Variants in GUCD1 observed in about 807,000 individuals in gnomAD.
GUCD1 encodes guanylyl cyclase domain containing 1.
In GUCD1, 17 loss-of-function variants were observed where a neutral mutation model predicts 28.3. The ratio of observed to expected loss-of-function variants is 0.60; its 90% CI spans 0.41 to 0.90. GUCD1 has a LOEUF of 0.90. Ranked by LOEUF, GUCD1 falls within the 40% of genes least tolerant of loss-of-function variation. The pLI, the probability that GUCD1 is intolerant of heterozygous loss-of-function variation, is 0.00. For synonymous variants in GUCD1, 129 were observed against 123.3 expected (o/e 1.05, Z -0.30); for missense variants, 279 against 305.5 (o/e 0.91, Z 0.65).
rs777286242 is a variant in GUCD1 at position 24,554,941 on chromosome 22, G to A, written c.43+8C>T. 1 of 1,572,634 alleles carries A rather than the reference G, an allele frequency of 6.4e-7. No homozygotes were observed. The highest frequency in any genetic ancestry group is 2.5e-5 in the East Asian group (1 of 40,394). ...GGGTGAAGACTGGGCCCACAGAGAG[G>A]CACTGACCGGGCTCGAGCGGCGGCC... On this transcript the variant is annotated splice_region_variant and intron_variant, in intron 1 of 5. Coordinates refer to ENST00000435822, the MANE Select transcript of GUCD1 (RefSeq NM_001284254.2).
In GUCD1 at chr22:24,550,180, C is replaced by G. The variant is rs576824597; in HGVS notation, c.44-1179G>C. 5.3e-5 allele frequency among the ~76,000 whole-genome samples: 8 copies of G among 152,304 alleles called. No homozygotes were observed. In the East Asian group the frequency reaches 1.5e-3, roughly 29 times the overall value. ...CTCTTGCTGGAATGAGTCTGGCCATCCCTAAACAGGGGGACTTTGGTCTGA... is the reference window on the plus strand; with the variant it reads ...CTCTTGCTGGAATGAGTCTGGCCATGCCTAAACAGGGGGACTTTGGTCTGA... On this transcript the variant is annotated intron_variant, in intron 1 of 5. Coordinates refer to ENST00000435822, the MANE Select transcript of GUCD1 (RefSeq NM_001284254.2).
rs2044624063 is a variant in GUCD1, at chr22:24,542,746, A to G, written c.*260T>C. ...TCGGGACTGGACTTCCTGTGGGCGC[A>G]GCTGGAGTCAAGGCTTGGGGTCTTG... On this transcript the variant is annotated 3_prime_UTR_variant, in exon 6 of 6. Transcript: ENST00000435822. 2.2e-6 allele frequency: 1 copy of G among 446,262 alleles called. No individual in the cohort carries two copies. Among genetic ancestry groups the G allele is most frequent in the Admixed American group, 3.5e-5 (1 of 28,762 alleles). 27.6% of individuals were successfully genotyped at this position (446,262 alleles called of 1,614,324 possible).
upstream of GUCD1, chr22:24,555,293 C>T (rs2013963971): frequency 7.2e-7 from 1 of 1,393,370 alleles, no homozygotes; most frequent in Non-Finnish European, 9.3e-7. Context: ...TGAGTGGCCC[C>T]ACCCTCTCGC....
Position 24,545,880 on chromosome 22 carries a change from C to T in GUCD1, c.386+1034G>A, listed in dbSNP as rs181794286. 5.6e-4 allele frequency among the ~76,000 whole-genome samples: 85 copies of T among 151,706 alleles called. 1 individual carries two copies. Among genetic ancestry groups the T allele is most frequent in the African/African-American group, 1.9e-3 (80 of 41,336 alleles). On this transcript the variant is annotated intron_variant, in intron 4 of 5. Transcript: ENST00000435822. ...TGCTGGGATTACAAGCGTGAGCCAC[C>T]GTGCCCGGCCTGTTTTGTTGATTTT...
intron 1 of GUCD1, among the ~76,000 whole-genome samples, chr22:24,551,897 T>C (rs765873809): frequency 6.6e-6 from 1 of 152,230 alleles, no homozygotes; most frequent in Non-Finnish European, 1.5e-5. Flanking sequence ...CAACCAAAAA[T>C]ATAAATAAAT....
chr22:24,545,918 C>A (rs1280135659), intron 4 of GUCD1, among the ~76,000 whole-genome samples: 1 of 149,256 alleles, frequency 6.7e-6, no homozygotes, highest in Non-Finnish European at 1.5e-5. Flanking sequence ...AAGCCCGGGG[C>A]AGTACTCTTG....
At position 24,555,128 on chromosome 22, in the gene GUCD1, A is replaced by C. The variant is rs1485859570; in HGVS notation, c.-137T>G. 7.7e-7 allele frequency: 1 copy of C among 1,302,846 alleles called. No homozygotes were observed. Among genetic ancestry groups the C allele is most frequent in the Non-Finnish European group, 9.7e-7 (1 of 1,026,942 alleles). 80.7% of individuals were successfully genotyped at this position (1,302,846 alleles called of 1,614,324 possible). A position where few individuals can be genotyped will look rare whatever the true frequency, so the allele number is the denominator to read the frequency against. ...CCGCCGCTGCGGAGGAGAGAACGGGAGGCGGCGGCTGGGCCGCCCCAAGCG... is the reference window on the plus strand; with the variant it reads ...CCGCCGCTGCGGAGGAGAGAACGGGCGGCGGCGGCTGGGCCGCCCCAAGCG... On this transcript the variant is annotated 5_prime_UTR_variant, in exon 1 of 6. Coordinates refer to ENST00000435822, the MANE Select transcript of GUCD1 (RefSeq NM_001284254.2).
upstream of GUCD1, chr22:24,555,216 A>C: frequency 7.7e-7 from 1 of 1,300,594 alleles, no homozygotes; most frequent in Non-Finnish European, 9.7e-7. Context: ...CCCCGCCCCA[A>C]ACTTTGATCT....
upstream of GUCD1, chr22:24,555,857 A>G (rs1259935952): frequency 2.4e-5 from 37 of 1,533,102 alleles, no homozygotes; most frequent in Non-Finnish European, 3.2e-5. Flanking sequence ...GAACTATCGT[A>G]CTGGTGCCCT....
Position 24,544,267 on chromosome 22 carries a change from TGG to T in GUCD1, c.387-186_387-185del, listed in dbSNP as rs374818777. On this transcript the variant is annotated intron_variant, in intron 4 of 5. Coordinates refer to ENST00000435822, the MANE Select transcript of GUCD1 (RefSeq NM_001284254.2). ...AGCCTAGAGCCAAGCAGGAGACCGGTGGGGGGGGTGTGTGTGTGTGTCTGAAT... is the reference window on the plus strand; with the variant it reads ...AGCCTAGAGCCAAGCAGGAGACCGGTGGGGGGTGTGTGTGTGTGTCTGAAT... Among the ~76,000 whole-genome samples the T allele has an allele frequency of 1.6e-3, 242 of 150,490 alleles. 2 individuals carry two copies. Among genetic ancestry groups the T allele is most frequent in the Middle Eastern group, 6.8e-3 (2 of 294 alleles).
At chr22:24,547,110 G>T (rs1442678642) in intron 3 of GUCD1, 105 bp from the exon 4 acceptor site, 2 of 876,386 alleles carry the variant, frequency 2.3e-6, no homozygotes, top group African/African-American at 3.3e-5. Flanking sequence ...ACAGCAGGAG[G>T]GCAGAGGAGC....
At chr22:24,553,076 G>C (rs2044925779) in intron 1 of GUCD1, among the ~76,000 whole-genome samples, 1 of 152,244 alleles carries the variant, frequency 6.6e-6, no homozygotes, top group Non-Finnish European at 1.5e-5. Flanking sequence ...TGAGCAGTGG[G>C]AGAGCTCTAT....
intron 1 of GUCD1, among the ~76,000 whole-genome samples, chr22:24,551,391 C>T (rs2044869208): frequency 6.6e-6 from 1 of 152,242 alleles, no homozygotes; most frequent in Non-Finnish European, 1.5e-5. Flanking sequence ...TCTCCCACCT[C>T]TACATACAGC....
intron 5 of GUCD1, 37 bp from the exon 6 acceptor site, chr22:24,543,134 G>T: frequency 1.3e-6 from 2 of 1,487,252 alleles, no homozygotes; most frequent in Non-Finnish European, 9.4e-7. Flanking sequence ...GGGTCAGTGG[G>T]TTGTGAGAGA....
chr22:24,544,270 G>A (rs1178628682), intron 4 of GUCD1, among the ~76,000 whole-genome samples, 187 bp from the exon 5 acceptor site: 1 of 150,680 alleles, frequency 6.6e-6, no homozygotes, highest in Non-Finnish European at 1.5e-5. Context: ...AGACCGGTGG[G>A]GGGGGTGTGT....
At chr22:24,543,756 A>G in intron 5 of GUCD1, 86 bp downstream of exon 5, 1 of 1,528,200 alleles carries the variant, frequency 6.5e-7, no homozygotes, top group Non-Finnish European at 8.9e-7. Flanking sequence ...GCCACACTAG[A>G]TTGAATGGGT....
chr22:24,540,649 G>A lies in GUCD1; in HGVS notation c.*2357C>T, dbSNP rs539710907. 1 of 152,364 alleles carries A rather than the reference G, an allele frequency of 6.6e-6. No homozygotes were observed. The highest frequency in any genetic ancestry group is 1.9e-4 in the East Asian group (1 of 5,178). The allele number at this position is 152,364 out of a possible 1,614,324, so 9.4% of individuals were successfully genotyped here. Reference sequence around the variant, plus strand: ...TGTGCTGTGGGCAAAAGTCCCTGATGTCCAGGCTCTCTGGCTCCATTTTCA... The same window carrying A: ...TGTGCTGTGGGCAAAAGTCCCTGATATCCAGGCTCTCTGGCTCCATTTTCA... On this transcript the variant is annotated 3_prime_UTR_variant, in exon 6 of 6. Coordinates refer to ENST00000435822, the MANE Select transcript of GUCD1 (RefSeq NM_001284254.2).
In GUCD1 at chr22:24,549,045, C is replaced by A. The variant is rs572675929; in HGVS notation, c.44-44G>T. The stretch of plus-strand genomic sequence containing the variant: ...AGGTCACAGACCCTCAGCGCAGAGC[C>A]CACCACTCCCACCCTCATGGGAGCC... On this transcript the variant is annotated intron_variant, in intron 1 of 5. Coordinates refer to ENST00000435822, the MANE Select transcript of GUCD1 (RefSeq NM_001284254.2). 1.5e-4 allele frequency: 198 copies of A among 1,349,588 alleles called. 1 individual carries two copies. The South Asian group carries it at 2.4e-3, about 17-fold the overall frequency. 83.6% of individuals were successfully genotyped at this position (1,349,588 alleles called of 1,614,324 possible).
chr22:24,555,142 C>T, upstream of GUCD1: 1 of 1,303,998 alleles, frequency 7.7e-7, no homozygotes, highest in Non-Finnish European at 9.7e-7. Context: ...GGCGGCTGGG[C>T]CGCCCCAAGC....
Sources: allele counts gnomAD v4.1 joint callset (sites outside exome capture counted in the v4.1 genomes callset), GRCh38; gene constraint gnomAD v4.1.1; transcripts MANE v1.5; gene names NCBI Gene and HGNC (gene_info 2026-07-23, HGNC 2026-07-21).